The following GIMD1 variants were observed in gnomAD, a reference collection of about 807,000 sequenced individuals.
The protein encoded by GIMD1 is GIMAP family P-loop NTPase domain containing 1, also known as GTPase IMAP family member GIMD1.
GIMD1 carries 14 observed loss-of-function variants against 14.9 expected under a neutral mutation model. That is an observed-to-expected ratio of 0.94 (90% CI 0.62 to 1.47). The LOEUF (loss-of-function observed/expected upper bound fraction) is 1.47. Ranked by LOEUF, GIMD1 falls within the 40% of genes most tolerant of loss-of-function variation. GIMD1 has a pLI of 0.00. For missense variants in GIMD1, 272 were observed against 255.3 expected, an observed-to-expected ratio of 1.07 and a Z score of -0.44; for synonymous variants, 91 against 90.5, an observed-to-expected ratio of 1.01 and a Z score of -0.03.
At chr4:106,362,435 T>G (rs910484264) in intron 2 of GIMD1, among the ~76,000 whole-genome samples, 1 of 152,100 alleles carries the variant, frequency 6.6e-6, no homozygotes, top group Admixed American at 6.6e-5. Context: ...GTGTTAATAA[T>G]TTAAATATAG....
chr4:106,367,074 T>G lies in GIMD1; in HGVS notation c.362A>C (p.Gln121Pro), dbSNP rs1770713157. The G allele has an allele frequency of 6.5e-7, 1 of 1,533,016 alleles. No homozygotes were observed. Among genetic ancestry groups the G allele is most frequent in the Non-Finnish European group, 8.7e-7 (1 of 1,145,276 alleles). 95.0% of individuals were successfully genotyped at this position (1,533,016 alleles called of 1,614,324 possible). A position where few individuals can be genotyped will look rare whatever the true frequency, so the allele number is the denominator to read the frequency against. ...CATCTGGACTGGGTCAGTTACTTCC[T>G]GCCCACAGAAAGGCACATCTGCTCT... Reference protein sequence around the residue: ...VQRADVPFCGQEVTDPVQMIQ... With the variant: ...VQRADVPFCGPEVTDPVQMIQ... The change falls in exon 2 of 3, where the codon CAG becomes CCG. Residue 121 changes from glutamine (Q) to proline (P), a missense_variant. Coordinates refer to ENST00000638719, the MANE Select transcript of GIMD1 (RefSeq NM_001195138.2).
chr4:106,363,234 C>T (rs543146798), intron 2 of GIMD1, among the ~76,000 whole-genome samples: 1 of 152,156 alleles, frequency 6.6e-6, no homozygotes, highest in Admixed American at 6.6e-5. Flanking sequence ...GCACTTGCCA[C>T]GTGCCTGTGC....
At chr4:106,361,117 C>T (rs564765698) in intron 2 of GIMD1, among the ~76,000 whole-genome samples, 17 of 152,140 alleles carry the variant, frequency 1.1e-4, no homozygotes, top group African/African-American at 4.1e-4. Context: ...TTTTATAAAG[C>T]ATTTTAGATG....
Position 106,367,151 on chromosome 4 carries a change from A to G in GIMD1, c.285T>C (p.Ala95=), listed in dbSNP as rs1454876616. 3 of 1,535,684 alleles carry G rather than the reference A, an allele frequency of 2.0e-6. No homozygotes were observed. Among genetic ancestry groups the G allele is most frequent in the South Asian group, 1.2e-5 (1 of 84,038 alleles). Residue 95 remains alanine, a synonymous_variant, in exon 2 of 3, where the codon GCT becomes GCC. Transcript: ENST00000638719. ...CCCCTTGCCCGAAGTGATGTGCCAG[A>G]GCCTCTTTGACTTCCTGTTTCACAT... The part of the protein sequence containing the change: ...KKYVKQEVKE[A]LAHHFGQGGL...
rs1770558941 is a variant in GIMD1 at position 106,358,120 on chromosome 4, G to T, written c.*63C>A. The T allele has an allele frequency of 7.3e-6, 8 of 1,094,322 alleles. No individual in the cohort carries two copies. Among genetic ancestry groups the T allele is most frequent in the African/African-American group, 1.6e-5 (1 of 62,914 alleles). The allele number at this position is 1,094,322 out of a possible 1,614,324, so 67.8% of individuals were successfully genotyped here. A position where few individuals can be genotyped will look rare whatever the true frequency, so the allele number is the denominator to read the frequency against. ...TATGGTCCACATTCATGTCAATAAA[G>T]GCATTCTTTGTAGCTAGGTTTCTGA... On this transcript the variant is annotated 3_prime_UTR_variant, in exon 3 of 3. Transcript: ENST00000638719.
intron 2 of GIMD1, among the ~76,000 whole-genome samples, chr4:106,360,950 A>G (rs532084452): frequency 1.1e-4 from 16 of 152,038 alleles, no homozygotes; most frequent in Admixed American, 7.9e-4. Flanking sequence ...GAGCCCTAGC[A>G]AACTAATGCA....
At chr4:106,367,774 G>A (rs545833797) in intron 1 of GIMD1, among the ~76,000 whole-genome samples, 7 of 152,322 alleles carry the variant, frequency 4.6e-5, no homozygotes, top group Non-Finnish European at 7.4e-5. Flanking sequence ...TGGTAGGTGA[G>A]TTGGTTTAGG....
rs1431002867 is a variant in GIMD1, at chr4:106,357,778, CTTGCTTATTCTAA to C, written c.*392_*404del. The C allele has an allele frequency of 1.3e-5, 2 of 156,702 alleles. No individual in the cohort carries two copies. Among genetic ancestry groups the C allele is most frequent in the Admixed American group, 6.2e-5 (1 of 16,090 alleles). 9.7% of individuals were successfully genotyped at this position (156,702 alleles called of 1,614,324 possible). On this transcript the variant is annotated 3_prime_UTR_variant, in exon 3 of 3. Transcript: ENST00000638719. Reference sequence around the variant, plus strand: ...ACTGGTATCGTTACATATAGTTGAGCTTGCTTATTCTAATTACTTATTCTAATATCCCACTGTG... The same window carrying C: ...ACTGGTATCGTTACATATAGTTGAGCTTACTTATTCTAATATCCCACTGTG...
In GIMD1 at chr4:106,358,367, A is replaced by G; in HGVS notation, c.470T>C (p.Leu157Pro). The change falls in exon 3 of 3, where the codon CTT (leucine) becomes CCT (proline). Residue 157 changes from leucine (L) to proline (P), a missense_variant. Coordinates refer to ENST00000638719, the MANE Select transcript of GIMD1 (RefSeq NM_001195138.2). ...THAEKIEEAG[L>P]TEDKYLHEAS... ...CTCATGTAAATATTTATCTTCAGTAAGCCCAGCCTCTTCTATTTTTTCTGC... is the reference window on the plus strand; with the variant it reads ...CTCATGTAAATATTTATCTTCAGTAGGCCCAGCCTCTTCTATTTTTTCTGC... 3 of 1,532,954 alleles carry G rather than the reference A, an allele frequency of 2.0e-6. No individual in the cohort carries two copies. The highest frequency in any genetic ancestry group is 2.6e-6 in the Non-Finnish European group (3 of 1,145,038). The allele number at this position is 1,532,954 out of a possible 1,614,324, so 95.0% of individuals were successfully genotyped here.
chr4:106,361,493 T>C (rs1018057936), intron 2 of GIMD1, among the ~76,000 whole-genome samples: 2 of 151,964 alleles, frequency 1.3e-5, no homozygotes, highest in African/African-American at 4.8e-5. Flanking sequence ...TCAAGCATGA[T>C]TGAGATTGTA....
In GIMD1 at chr4:106,365,391, GT is replaced by G. The variant is rs11461687; in HGVS notation, c.393+1651del. ...TTCTTGTGATTATACATATGGCTGG[GT>G]TTTTTTTTTTCATTTTTAGAAACAT... On this transcript the variant is annotated intron_variant, in intron 2 of 2. Transcript: ENST00000638719. Among the ~76,000 whole-genome samples the G allele has an allele frequency of 1.3e-3, 189 of 145,394 alleles. 1 individual carries two copies. The highest frequency in any genetic ancestry group is 2.4e-3 in the Admixed American group (35 of 14,590).
At chr4:106,364,762 C>G (rs1242148252) in intron 2 of GIMD1, among the ~76,000 whole-genome samples, 1 of 152,092 alleles carries the variant, frequency 6.6e-6, no homozygotes, top group Non-Finnish European at 1.5e-5. Context: ...CCTTCAGTTC[C>G]TGAATTGCAT....
At chr4:106,363,284 A>G (rs1770641975) in intron 2 of GIMD1, among the ~76,000 whole-genome samples, 1 of 152,162 alleles carries the variant, frequency 6.6e-6, no homozygotes, top group African/African-American at 2.4e-5. Flanking sequence ...CATTAATCCC[A>G]CAAGTAACCC....
chr4:106,359,558 T>A (rs1202918424), intron 2 of GIMD1, among the ~76,000 whole-genome samples: 1 of 151,882 alleles, frequency 6.6e-6, no homozygotes, highest in Non-Finnish European at 1.5e-5. Context: ...CAAACTGACT[T>A]ATAAAGACTT....
chr4:106,367,387 T>A lies in GIMD1; in HGVS notation c.49A>T (p.Thr17Ser). ...MIINLALFGM[T>S]QSGKSSAGNI... ...CCAGCAGAACTTTTTCCACTCTGAG[T>A]CATGCCAAAGAGGGCCAAGTTGATG... The change falls in exon 2 of 3, where the codon ACT becomes TCT. Residue 17 changes from threonine (T) to serine (S), a missense_variant. By Grantham distance (58) the Thr-to-Ser change is moderately conservative (BLOSUM62 1). Transcript: ENST00000638719. 6.5e-7 allele frequency: 1 copy of A among 1,535,834 alleles called. No individual in the cohort carries two copies. The highest frequency in any genetic ancestry group is 8.7e-7 in the Non-Finnish European group (1 of 1,146,720).
intron 2 of GIMD1, among the ~76,000 whole-genome samples, chr4:106,358,647 G>A (rs538391696): frequency 1.3e-5 from 2 of 151,974 alleles, no homozygotes; most frequent in South Asian, 2.1e-4. Context: ...AAAAAGGCAG[G>A]ATTAAACAGA....
At position 106,367,064 on chromosome 4, in the gene GIMD1, A is replaced by T. The variant is rs1770712959; in HGVS notation, c.372T>A (p.Thr124=). 6.5e-7 allele frequency: 1 copy of T among 1,529,862 alleles called. No individual in the cohort carries two copies. The highest frequency in any genetic ancestry group is 8.7e-7 in the Non-Finnish European group (1 of 1,143,580). The allele number at this position is 1,529,862 out of a possible 1,614,324, so 94.8% of individuals were successfully genotyped here. The change falls in exon 2 of 3, where the codon ACT becomes ACA. Residue 124 remains threonine, a synonymous_variant. Coordinates refer to ENST00000638719, the MANE Select transcript of GIMD1 (RefSeq NM_001195138.2). ...ADVPFCGQEV[T]DPVQMIQELL... ...TTACCTGGATCATCTGGACTGGGTC[A>T]GTTACTTCCTGCCCACAGAAAGGCA...
At chr4:106,363,202 A>G (rs1770639706) in intron 2 of GIMD1, among the ~76,000 whole-genome samples, 1 of 152,186 alleles carries the variant, frequency 6.6e-6, no homozygotes, top group Non-Finnish European at 1.5e-5. Context: ...ATGAAATAAT[A>G]ATGGCCAGAG....
intron 2 of GIMD1, among the ~76,000 whole-genome samples, chr4:106,360,658 A>C (rs2949625): frequency 0.39 from 59,540 of 151,852 alleles, 11,890 homozygotes; most frequent in South Asian, 0.47. Flanking sequence ...AAATATAATT[A>C]TTTAAGCTAA....
Sources: allele counts gnomAD v4.1 joint callset (sites outside exome capture counted in the v4.1 genomes callset), GRCh38; gene constraint gnomAD v4.1.1; transcripts MANE v1.5; gene names NCBI Gene and HGNC (gene_info 2026-07-23, HGNC 2026-07-21).